The following GMPR variants were observed in gnomAD, a reference collection of about 807,000 sequenced individuals.
GMPR encodes the protein GMP reductase 1.
In GMPR, 31 loss-of-function variants were observed where a neutral mutation model predicts 38.4. That is an observed-to-expected ratio of 0.81 (90% CI 0.61 to 1.09). The LOEUF (loss-of-function observed/expected upper bound fraction) is 1.09. GMPR is among the 50% of genes least tolerant of loss of function. The probability of loss-of-function intolerance (pLI) is 0.00; values close to 1 mark genes in which losing one functional copy is unlikely to be tolerated. For missense variants in GMPR, 468 were observed against 453.7 expected, an observed-to-expected ratio of 1.03 and a Z score of -0.29; for synonymous variants, 162 against 173.3, an observed-to-expected ratio of 0.93 and a Z score of 0.51.
At chr6:16,250,420 C>A in intron 3 of GMPR, 53 bp downstream of exon 3, 2 of 989,212 alleles carry the variant, frequency 2.0e-6, no homozygotes, top group South Asian at 2.5e-5. Context: ...GGAACAAAAT[C>A]TTCAGAGCTG....
intron 4 of GMPR, chr6:16,262,496 T>C (rs1167234375): frequency 2.6e-5 from 4 of 152,130 alleles, no homozygotes; most frequent in South Asian, 4.1e-4. Flanking sequence ...AACGCCTGGC[T>C]GCTGCGGTTC....
chr6:16,279,023 A>G, intron 6 of GMPR, 133 bp downstream of exon 6: 1 of 623,188 alleles, frequency 1.6e-6, no homozygotes, highest in Non-Finnish European at 2.8e-6. Context: ...GCTGACATTC[A>G]GCAGAAACAG....
At chr6:16,262,768 G>A (rs1471333751) in intron 4 of GMPR, 1 of 152,016 alleles carries the variant, frequency 6.6e-6, no homozygotes, top group Non-Finnish European at 1.5e-5. Flanking sequence ...CAGGGTTGCT[G>A]CCAAACGAGC....
chr6:16,251,470 T>C (rs900553806), intron 3 of GMPR, among the ~76,000 whole-genome samples: 25 of 152,206 alleles, frequency 1.6e-4, no homozygotes, highest in Admixed American at 1.6e-3. Flanking sequence ...CTCAGGAAGC[T>C]GAGGCAGGAA....
intron 1 of GMPR, among the ~76,000 whole-genome samples, chr6:16,239,769 T>C (rs751334170): frequency 1.7e-4 from 26 of 152,236 alleles, no homozygotes; most frequent in Non-Finnish European, 3.4e-4. Flanking sequence ...CTAACTGCAG[T>C]GCCTGGGGCT....
chr6:16,288,465 T>C (rs985584618), intron 7 of GMPR, among the ~76,000 whole-genome samples: 3 of 152,212 alleles, frequency 2.0e-5, no homozygotes, highest in Admixed American at 6.5e-5. Context: ...GCGCTGGATT[T>C]CTGGCTGGGC....
At chr6:16,288,724 C>T (rs929815695) in intron 7 of GMPR, among the ~76,000 whole-genome samples, 2 of 152,230 alleles carry the variant, frequency 1.3e-5, no homozygotes, top group East Asian at 3.9e-4. Context: ...GCTCCTCAGT[C>T]TGGTGGGGAC....
chr6:16,274,369 C>A (rs62387698), intron 4 of GMPR, 46 bp from the exon 5 acceptor site: 2 of 1,199,718 alleles, frequency 1.7e-6, no homozygotes, highest in Admixed American at 3.4e-5. Flanking sequence ...ACCTTTATAC[C>A]AGCAATAGTA....
At chr6:16,242,332 C>CTT (rs36064390) in intron 1 of GMPR, among the ~76,000 whole-genome samples, 8 of 142,868 alleles carry the variant, frequency 5.6e-5, no homozygotes, top group Admixed American at 1.4e-4. Context: ...TCACTAATTA[C>CTT]TTTTTTTTTT....
chr6:16,253,952 A>G (rs1168568466), intron 3 of GMPR, among the ~76,000 whole-genome samples: 1 of 148,628 alleles, frequency 6.7e-6, no homozygotes, highest in African/African-American at 2.5e-5. Context: ...GGTTTGGCGG[A>G]CGGAACCTTG....
chr6:16,279,933 G>T (rs924040997), intron 6 of GMPR, among the ~76,000 whole-genome samples: 2 of 152,224 alleles, frequency 1.3e-5, no homozygotes, highest in Non-Finnish European at 2.9e-5. Flanking sequence ...TAATTCAGGA[G>T]GGGGAGGTGA....
chr6:16,266,570 A>G (rs1290061143), intron 4 of GMPR, among the ~76,000 whole-genome samples: 1 of 151,504 alleles, frequency 6.6e-6, no homozygotes, highest in East Asian at 2.0e-4. Context: ...TGGGAGGCCG[A>G]GATGGGTGGA....
chr6:16,265,908 G>A (rs1381606684), intron 4 of GMPR, among the ~76,000 whole-genome samples: 3 of 152,184 alleles, frequency 2.0e-5, no homozygotes, highest in South Asian at 2.1e-4. Flanking sequence ...CTGCAAAGAT[G>A]TGCAGTTTCA....
At chr6:16,267,520 C>A (rs928096883) in intron 4 of GMPR, among the ~76,000 whole-genome samples, 4 of 152,166 alleles carry the variant, frequency 2.6e-5, no homozygotes, top group East Asian at 1.9e-4. Flanking sequence ...TGCGGCTTCA[C>A]TCCTGAAGTC....
chr6:16,294,506 G>A (rs1404689527), intron 8 of GMPR, among the ~76,000 whole-genome samples: 1 of 152,218 alleles, frequency 6.6e-6, no homozygotes, highest in Non-Finnish European at 1.5e-5. Context: ...CAGGCGGGAG[G>A]TGAAGCTCTG....
chr6:16,289,254 C>G (rs544889285), intron 7 of GMPR, among the ~76,000 whole-genome samples: 1 of 152,190 alleles, frequency 6.6e-6, no homozygotes, highest in Non-Finnish European at 1.5e-5. Flanking sequence ...GTTACACTCA[C>G]AGTGAGAGTC....
intron 6 of GMPR, among the ~76,000 whole-genome samples, chr6:16,280,788 C>T (rs2113698461): frequency 6.6e-6 from 1 of 152,302 alleles, no homozygotes; most frequent in East Asian, 1.9e-4. Flanking sequence ...TTAGTCCTGT[C>T]TCCATTACCT....
chr6:16,276,814 G>A (rs1489737547), intron 5 of GMPR, among the ~76,000 whole-genome samples: 2 of 152,186 alleles, frequency 1.3e-5, no homozygotes, highest in Admixed American at 6.5e-5. Context: ...AGCAACTCCT[G>A]GGAACTGGGA....
At chr6:16,266,352 G>A (rs1038409101) in intron 4 of GMPR, among the ~76,000 whole-genome samples, 1 of 150,136 alleles carries the variant, frequency 6.7e-6, no homozygotes, top group Admixed American at 6.9e-5. Flanking sequence ...ACCTTTAAGA[G>A]CTGTAACACT....
Sources: gnomAD v4.1 joint callset for allele counts (sites outside exome capture counted in the v4.1 genomes callset) on GRCh38, gnomAD v4.1.1 for gene constraint, MANE v1.5 for transcripts, NCBI Gene and HGNC (gene_info 2026-07-23, HGNC 2026-07-21) for gene names.